The following PCDH15 variants were observed in gnomAD, a reference collection of about 807,000 sequenced individuals.
PCDH15 encodes protocadherin-15.
PCDH15 carries 129 observed loss-of-function variants against 178.5 expected under a neutral mutation model. The ratio of observed to expected loss-of-function variants is 0.72; its 90% CI spans 0.63 to 0.84. PCDH15 has a LOEUF of 0.84. PCDH15 is among the 40% of genes least tolerant of loss of function. The pLI, the probability that PCDH15 is intolerant of heterozygous loss-of-function variation, is 0.00. For synonymous variants in PCDH15, 800 were observed against 732.0 expected (o/e 1.09, Z -1.50); for missense variants, 2,230 against 2,099.9 (o/e 1.06, Z -1.21).
At chr10:55,338,954 T>C (rs2131951016) in intron 2 of PCDH15, among the ~76,000 whole-genome samples, 1 of 152,070 alleles carries the variant, frequency 6.6e-6, no homozygotes, top group Admixed American at 6.6e-5. Context: ...GAAAGACTAC[T>C]CTGGAGTAGA....
At chr10:54,134,818 C>T (rs1172411094) in intron 14 of PCDH15, among the ~76,000 whole-genome samples, 1 of 151,142 alleles carries the variant, frequency 6.6e-6, no homozygotes, top group Non-Finnish European at 1.5e-5. Flanking sequence ...TATAGCTTGT[C>T]ACTTTATAAT....
At chr10:55,003,673 C>G (rs564739276) in intron 2 of PCDH15, among the ~76,000 whole-genome samples, 1 of 152,130 alleles carries the variant, frequency 6.6e-6, no homozygotes, top group Admixed American at 6.5e-5. Context: ...ATTGTAGGAA[C>G]TGATTATTTT....
intron 3 of PCDH15, among the ~76,000 whole-genome samples, chr10:54,847,346 A>G (rs1242627303): frequency 6.6e-6 from 1 of 152,182 alleles, no homozygotes; most frequent in Non-Finnish European, 1.5e-5. Context: ...TTTCTCATGT[A>G]TACTGTAGCC....
At chr10:54,353,050 T>C (rs931234424) in intron 5 of PCDH15, among the ~76,000 whole-genome samples, 3 of 152,168 alleles carry the variant, frequency 2.0e-5, no homozygotes, top group African/African-American at 7.2e-5. Flanking sequence ...TGGAATATTA[T>C]TGAAAAATTC....
In PCDH15 at chr10:54,619,150, A is replaced by C. The variant is rs558687796; in HGVS notation, c.91+45022T>G. 3.3e-5 allele frequency: 5 copies of C among 150,998 alleles called. No individual in the cohort carries two copies. The East Asian group carries it at 9.7e-4, about 29-fold the overall frequency. 9.4% of individuals were successfully genotyped at this position (150,998 alleles called of 1,614,324 possible). A position where few individuals can be genotyped will look rare whatever the true frequency, so the allele number is the denominator to read the frequency against. On this transcript the variant is annotated intron_variant, in intron 2 of 37. Coordinates refer to ENST00000644397, the MANE Select transcript of PCDH15 (RefSeq NM_001384140.1). ...ATTTTATAGGTTTAATCTAACTTAA[A>C]AAAAATGTTAAATAAAAGACAATGA...
At chr10:55,475,100 G>A (rs1840037526) in intron 2 of PCDH15, among the ~76,000 whole-genome samples, 1 of 152,076 alleles carries the variant, frequency 6.6e-6, no homozygotes, top group Non-Finnish European at 1.5e-5. Flanking sequence ...CACATGGCAA[G>A]ACAGAAAGCA....
chr10:55,249,953 G>T (rs1193318555), intron 1 of PCDH15, among the ~76,000 whole-genome samples: 1 of 151,702 alleles, frequency 6.6e-6, no homozygotes, highest in Non-Finnish European at 1.5e-5. Flanking sequence ...TTTTGGTCAT[G>T]ATCTCTAGAA....
chr10:55,359,735 TATATATATATATAC>T (rs1845180034), intron 2 of PCDH15, among the ~76,000 whole-genome samples: 1 of 114,700 alleles, frequency 8.7e-6, no homozygotes, highest in African/African-American at 3.3e-5. Context: ...TATATATATA[TATATATATATATAC>T]ACACACACAC....
rs1347128224 is a variant in PCDH15, at chr10:55,538,598, CT to C, written c.-156+89026del. On this transcript the variant is annotated intron_variant, in intron 2 of 5. Coordinates refer to the PCDH15 transcript ENST00000613346. ...CCTCCTTTCCTTCCTTCCTTCCTTC[CT>C]TCCTTTCCTTCCTTCCTTCCTCCTT... Among the ~76,000 whole-genome samples the C allele has an allele frequency of 1.7e-3, 118 of 69,120 alleles. 3 individuals carry two copies. The highest frequency in any genetic ancestry group is 7.1e-3 in the African/African-American group (108 of 15,176). 45.3% of individuals were successfully genotyped at this position (69,120 alleles called of 152,430 possible).
chr10:54,482,965 G>T (rs1436086342), intron 3 of PCDH15, among the ~76,000 whole-genome samples: 3 of 151,650 alleles, frequency 2.0e-5, no homozygotes, highest in African/African-American at 7.3e-5. Context: ...TGATAAGCAG[G>T]TATATATCTA....
intron 3 of PCDH15, among the ~76,000 whole-genome samples, chr10:54,516,745 A>G (rs1589830960): frequency 6.6e-6 from 1 of 151,944 alleles, no homozygotes; most frequent in African/African-American, 2.4e-5. Context: ...AGCAACTCCA[A>G]GACACATAAT....
intron 2 of PCDH15, among the ~76,000 whole-genome samples, chr10:55,015,664 A>G (rs1840156732): frequency 6.6e-6 from 1 of 152,166 alleles, no homozygotes; most frequent in South Asian, 2.1e-4. Context: ...TTAATATAGT[A>G]ACTATGTGAA....
chr10:54,907,434 A>C (rs1954744283), intron 2 of PCDH15, among the ~76,000 whole-genome samples: 1 of 152,132 alleles, frequency 6.6e-6, no homozygotes, highest in Non-Finnish European at 1.5e-5. Flanking sequence ...TACTGTTGAC[A>C]ATTATTTCTT....
Position 54,890,255 on chromosome 10 carries a change from A to G in PCDH15, c.-29+7195T>C, listed in dbSNP as rs1954436799. ...ATGTAGCTGTAATGGCTTTGCATAA[A>G]TAAGTGTAAAAGAGGAAAGCTGATA... On this transcript the variant is annotated intron_variant, in intron 3 of 5. Transcript: ENST00000458638. Among the ~76,000 whole-genome samples, 3 of 152,062 alleles carry G rather than the reference A, an allele frequency of 2.0e-5. No individual in the cohort carries two copies. In the South Asian group the frequency reaches 6.2e-4, roughly 31 times the overall value.
intron 2 of PCDH15, among the ~76,000 whole-genome samples, chr10:54,936,836 A>C (rs116714063): frequency 0.011 from 1,595 of 151,830 alleles, 35 homozygotes; most frequent in African/African-American, 0.036. Flanking sequence ...TACCAAGCAC[A>C]AAATTTTTAA....
In PCDH15 at chr10:54,225,988, A is replaced by T. The variant is rs117333091; in HGVS notation, c.985+10835T>A. Among the ~76,000 whole-genome samples the T allele has an allele frequency of 4.6e-5, 7 of 152,306 alleles. No individual in the cohort carries two copies. In the East Asian group the frequency reaches 1.4e-3, roughly 29 times the overall value. ...AGAGTTCTTTAGAGAAACAAAACAA[A>T]TAGGCTATAAGGACATATTAGTACT... is the stretch of plus-strand genomic sequence containing the variant. On this transcript the variant is annotated intron_variant, in intron 9 of 37. Coordinates refer to ENST00000644397, the MANE Select transcript of PCDH15 (RefSeq NM_001384140.1).
chr10:54,477,113 A>G (rs2078329745), intron 3 of PCDH15, among the ~76,000 whole-genome samples: 1 of 152,108 alleles, frequency 6.6e-6, no homozygotes, highest in South Asian at 2.1e-4. Context: ...TAAGCTGACA[A>G]TAAGGTGAGG....
intron 2 of PCDH15, among the ~76,000 whole-genome samples, chr10:55,334,244 G>GTA (rs1565021521): frequency 1.4e-5 from 1 of 72,948 alleles, no homozygotes; most frequent in East Asian, 4.1e-4. Flanking sequence ...ATATATATAT[G>GTA]TGTGTGTGTG....
At chr10:55,535,939 A>G (rs993171554) in intron 2 of PCDH15, among the ~76,000 whole-genome samples, 3 of 152,074 alleles carry the variant, frequency 2.0e-5, no homozygotes, top group African/African-American at 7.2e-5. Flanking sequence ...TTAAAATACA[A>G]TGCAGTCAAA....
Sources: allele counts gnomAD v4.1 joint callset (sites outside exome capture counted in the v4.1 genomes callset), GRCh38; gene constraint gnomAD v4.1.1; transcripts MANE v1.5; gene names NCBI Gene and HGNC (gene_info 2026-07-23, HGNC 2026-07-21).